The following CLDN20 variants were observed in gnomAD, a reference collection of about 807,000 sequenced individuals.
The protein encoded by CLDN20 is claudin 20.
For synonymous variants in CLDN20, 104 were observed against 103.6 expected, an observed-to-expected ratio of 1.00 and a Z score of -0.03; for missense variants, 258 against 267.9, an observed-to-expected ratio of 0.96 and a Z score of 0.26.
intron 1 of CLDN20, among the ~76,000 whole-genome samples, chr6:155,268,672 C>G (rs997363839): frequency 1.3e-5 from 2 of 152,068 alleles, no homozygotes; most frequent in Non-Finnish European, 2.9e-5. Flanking sequence ...CTCTCTGAAA[C>G]ATGTGCTGTG....
rs958709274 is a variant in CLDN20 at position 155,276,487 on chromosome 6, G to A, written c.*108G>A. 4 of 1,014,048 alleles carry A rather than the reference G, an allele frequency of 3.9e-6. No individual in the cohort carries two copies. The Admixed American group carries it at 8.4e-5, about 21-fold the overall frequency. 62.8% of individuals were successfully genotyped at this position (1,014,048 alleles called of 1,614,324 possible). ...ACTTTCCCTACAAAGAAAGTAGAAT[G>A]TAAAATACTTTAACAACTACAAAGT... On this transcript the variant is annotated 3_prime_UTR_variant, in exon 2 of 2. Coordinates refer to ENST00000367165, the MANE Select transcript of CLDN20 (RefSeq NM_001001346.3).
Position 155,276,468 on chromosome 6 carries a change from C to T in CLDN20, c.*89C>T. 2 of 1,194,550 alleles carry T rather than the reference C, an allele frequency of 1.7e-6. No homozygotes were observed. Among genetic ancestry groups the T allele is most frequent in the Non-Finnish European group, 2.3e-6 (2 of 855,226 alleles). 74.0% of individuals were successfully genotyped at this position (1,194,550 alleles called of 1,614,324 possible). A position where few individuals can be genotyped will look rare whatever the true frequency, so the allele number is the denominator to read the frequency against. ...AAAATCAGAATTATGCTTAACTTTCCCTACAAAGAAAGTAGAATGTAAAAT... is the reference window on the plus strand; with the variant it reads ...AAAATCAGAATTATGCTTAACTTTCTCTACAAAGAAAGTAGAATGTAAAAT... On this transcript the variant is annotated 3_prime_UTR_variant, in exon 2 of 2. Coordinates refer to ENST00000367165, the MANE Select transcript of CLDN20 (RefSeq NM_001001346.3).
intron 1 of CLDN20, among the ~76,000 whole-genome samples, chr6:155,265,785 AAT>A (rs996703375): frequency 6.8e-6 from 1 of 146,602 alleles, no homozygotes; most frequent in Non-Finnish European, 1.5e-5. Flanking sequence ...GTAAATATTA[AAT>A]ATATATATAA....
At chr6:155,269,774 C>G (rs1254158681) in intron 1 of CLDN20, among the ~76,000 whole-genome samples, 1 of 152,198 alleles carries the variant, frequency 6.6e-6, no homozygotes, top group East Asian at 1.9e-4. Flanking sequence ...TCCAAAATTA[C>G]TTAAAATTCT....
At chr6:155,265,713 AT>A (rs1319253685) in intron 1 of CLDN20, among the ~76,000 whole-genome samples, 2 of 145,950 alleles carry the variant, frequency 1.4e-5, no homozygotes, top group South Asian at 2.1e-4. Context: ...TATTAAATAT[AT>A]TTATATATAA....
intron 1 of CLDN20, among the ~76,000 whole-genome samples, chr6:155,265,061 C>T (rs1472723246): frequency 6.6e-6 from 1 of 152,226 alleles, no homozygotes; most frequent in Non-Finnish European, 1.5e-5. Flanking sequence ...GCCTTTTCCA[C>T]AAACCACGCC....
rs546881153 is a variant in CLDN20, at chr6:155,276,287, C to T, written c.568C>T (p.Pro190Ser). The T allele has an allele frequency of 1.9e-6, 3 of 1,613,880 alleles. No homozygotes were observed. The highest frequency in any genetic ancestry group is 1.7e-6 in the Non-Finnish European group (2 of 1,180,014). The stretch of plus-strand genomic sequence containing the variant: ...CTGCACCTCCTGTATAAAAAGGAAT[C>T]CAGAAGCTAGACTCGACCCACCCAC... ...IFCTSCIKRN[P>S]EARLDPPTQQ... Residue 190 changes from proline (P) to serine (S), a missense_variant, in exon 2 of 2, where the codon CCA (proline) becomes TCA (serine). Physicochemically the swap from Pro to Ser is moderately conservative, Grantham distance 74. Transcript: ENST00000367165.
chr6:155,275,892 G>A lies in CLDN20; in HGVS notation c.173G>A (p.Ser58Asn). Residue 58 changes from serine (S) to asparagine (N), a missense_variant, in exon 2 of 2, where the codon AGC becomes AAC. Ser to Asn is a conservative substitution (Grantham distance 46). Transcript: ENST00000367165. ...CTCTGGATGGACTGTACGTGGTACA[G>A]CACTGGGATGTTCAGCTGTGCCCTG... ...HGLWMDCTWY[S>N]TGMFSCALKH... 2 of 1,614,156 alleles carry A rather than the reference G, an allele frequency of 1.2e-6. No homozygotes were observed. Among genetic ancestry groups the A allele is most frequent in the Non-Finnish European group, 1.7e-6 (2 of 1,180,038 alleles).
chr6:155,273,099 C>A (rs1326481966), intron 1 of CLDN20, among the ~76,000 whole-genome samples: 1 of 152,202 alleles, frequency 6.6e-6, no homozygotes. Context: ...AGCAAGCTGG[C>A]TGGAGTCCGA....
chr6:155,266,131 A>C (rs2114681590), intron 1 of CLDN20, among the ~76,000 whole-genome samples: 1 of 152,292 alleles, frequency 6.6e-6, no homozygotes, highest in Non-Finnish European at 1.5e-5. Context: ...TACACCCAGG[A>C]TCAATACTTT....
At chr6:155,265,760 T>C (rs1784608444) in intron 1 of CLDN20, among the ~76,000 whole-genome samples, 1 of 145,264 alleles carries the variant, frequency 6.9e-6, no homozygotes, top group Non-Finnish European at 1.5e-5. Flanking sequence ...ATAATATATA[T>C]TTAATATATA....
rs757194705 is a variant in CLDN20 at position 155,274,066 on chromosome 6, G to C, written c.-104-1550G>C. Among the ~76,000 whole-genome samples the C allele has an allele frequency of 4.9e-4, 75 of 152,160 alleles. 2 individuals carry two copies. The highest frequency in any genetic ancestry group is 1.8e-4 in the Non-Finnish European group (12 of 68,042). On this transcript the variant is annotated intron_variant, in intron 1 of 1. Transcript: ENST00000367165. ...TAACTTATTTAACCCTATGAACGAA[G>C]TATTTCAATCCTCCCCATTTTCCAG...
In CLDN20 at chr6:155,276,167, C is replaced by A; in HGVS notation, c.448C>A (p.Leu150Met). Reference sequence around the variant, plus strand: ...GGAGATCATAGCAAACTTTCTGGATCTGACAGTTCCAGAAAGCAACAAACA... The same window carrying A: ...GGAGATCATAGCAAACTTTCTGGATATGACAGTTCCAGAAAGCAACAAACA... ...TKEIIANFLD[L>M]TVPESNKHEP... Residue 150 changes from leucine (L) to methionine (M), a missense_variant, in exon 2 of 2, where the codon CTG becomes ATG. Coordinates refer to ENST00000367165, the MANE Select transcript of CLDN20 (RefSeq NM_001001346.3). 10 of 1,614,134 alleles carry A rather than the reference C, an allele frequency of 6.2e-6. No individual in the cohort carries two copies. Among genetic ancestry groups the A allele is most frequent in the African/African-American group, 1.3e-5 (1 of 75,012 alleles).
At position 155,276,270 on chromosome 6, in the gene CLDN20, C is replaced by T. The variant is rs1367069746; in HGVS notation, c.551C>T (p.Ser184Phe). The T allele has an allele frequency of 6.2e-7, 1 of 1,614,146 alleles. No individual in the cohort carries two copies. Among genetic ancestry groups the T allele is most frequent in the East Asian group, 2.2e-5 (1 of 44,870 alleles). The part of the protein sequence containing the change: ...LFISGMIFCT[S>F]CIKRNPEARL... ...ATCTCTGGCATGATTTTCTGCACCT[C>T]CTGTATAAAAAGGAATCCAGAAGCT... The change falls in exon 2 of 2, where the codon TCC (serine) becomes TTC (phenylalanine). Residue 184 changes from serine (S) to phenylalanine (F), a missense_variant. By Grantham distance (155) the Ser-to-Phe change is radical. Transcript: ENST00000367165.
chr6:155,265,267 C>T (rs533358536), intron 1 of CLDN20, among the ~76,000 whole-genome samples: 50 of 152,326 alleles, frequency 3.3e-4, no homozygotes, highest in Non-Finnish European at 2.9e-4. Context: ...GAGCAACTCC[C>T]GTCCCTCAGA....
chr6:155,272,996 G>A (rs879644789), intron 1 of CLDN20, among the ~76,000 whole-genome samples: 2 of 152,178 alleles, frequency 1.3e-5, no homozygotes, highest in Non-Finnish European at 2.9e-5. Flanking sequence ...GAGGGAGAGA[G>A]AAAAGTGAGC....
At chr6:155,271,733 AC>A (rs1049052115) in intron 1 of CLDN20, among the ~76,000 whole-genome samples, 1 of 152,254 alleles carries the variant, frequency 6.6e-6, no homozygotes, top group African/African-American at 2.4e-5. Context: ...ATAAAATAAT[AC>A]ATTATATCTT....
At chr6:155,273,245 T>A (rs1192635524) in intron 1 of CLDN20, among the ~76,000 whole-genome samples, 1 of 152,242 alleles carries the variant, frequency 6.6e-6, no homozygotes, top group Non-Finnish European at 1.5e-5. Flanking sequence ...TGATAGCAGG[T>A]GAATCCTAGG....
At chr6:155,264,680 C>A (rs1216966755) in intron 1 of CLDN20, among the ~76,000 whole-genome samples, 1 of 152,088 alleles carries the variant, frequency 6.6e-6, no homozygotes, top group Non-Finnish European at 1.5e-5. Flanking sequence ...AGATTTTAAA[C>A]AGTCACATAG....
Sources: gnomAD v4.1 joint callset for allele counts (sites outside exome capture counted in the v4.1 genomes callset) on GRCh38, gnomAD v4.1.1 for gene constraint, MANE v1.5 for transcripts, NCBI Gene and HGNC (gene_info 2026-07-23, HGNC 2026-07-21) for gene names.